The following ZNF608 variants were observed in gnomAD, a reference collection of about 807,000 sequenced individuals.
ZNF608 encodes the protein zinc finger protein 608, also known as renal carcinoma antigen NY-REN-36.
A neutral mutation model predicts 109.0 loss-of-function variants in ZNF608; 12 were observed. That is an observed-to-expected ratio of 0.11 (90% CI 0.07 to 0.18). ZNF608 has a LOEUF of 0.18. Ranked by LOEUF, ZNF608 falls within the 10% of genes least tolerant of loss-of-function variation. ZNF608 has a pLI of 1.00. For missense variants in ZNF608, 1,707 were observed against 1,879.3 expected (o/e 0.91, Z 1.70); for synonymous variants, 732 against 717.4 (o/e 1.02, Z -0.33).
chr5:124,671,432 A>C (rs1188527845), intron 3 of ZNF608, among the ~76,000 whole-genome samples: 1 of 152,156 alleles, frequency 6.6e-6, no homozygotes, highest in African/African-American at 2.4e-5. Flanking sequence ...ATCCCATTCC[A>C]CATTAAGTTT....
chr5:124,731,570 A>G (rs1272560327), intron 2 of ZNF608, among the ~76,000 whole-genome samples: 2 of 152,024 alleles, frequency 1.3e-5, no homozygotes, highest in Non-Finnish European at 1.5e-5. Flanking sequence ...TCATGCCTAT[A>G]ATCTCAGCAT....
intron 3 of ZNF608, among the ~76,000 whole-genome samples, chr5:124,690,948 C>A (rs4382167): frequency 1.8e-3 from 248 of 139,446 alleles, no homozygotes; most frequent in Middle Eastern, 6.9e-3. Flanking sequence ...CACACACACA[C>A]ACACACATAA....
At chr5:124,730,794 C>A (rs1189354387) in intron 2 of ZNF608, among the ~76,000 whole-genome samples, 1 of 152,140 alleles carries the variant, frequency 6.6e-6, no homozygotes, top group Non-Finnish European at 1.5e-5. Context: ...TTGTGAGGGG[C>A]CGAAAGCTCA....
intron 2 of ZNF608, chr5:124,710,151 C>G (rs1352859922): frequency 2.3e-6 from 1 of 438,666 alleles, no homozygotes; most frequent in Non-Finnish European, 4.5e-6. Flanking sequence ...AGGTTGAAAT[C>G]AGGGAAAGGT....
rs767727050 is a variant in ZNF608 at position 124,744,947 on chromosome 5, T to C, written c.43A>G (p.Asn15Asp). ...CCACTGTCATAAGTATCAACTGTAT[T>C]TGGATCCACACCTTTTCCTGCAGTA... Reference protein sequence around the residue: ...ISTAGKGVDPNTVDTYDSGDD... With the variant: ...ISTAGKGVDPDTVDTYDSGDD... The change falls in exon 2 of 10, where the codon AAT becomes GAT. Residue 15 changes from asparagine (N) to aspartate (D), a missense_variant. Physicochemically the swap from Asn to Asp is conservative, Grantham distance 23. Around this residue, in one of 7 missense-constraint regions of ZNF608, gnomAD observed 18 missense variants for 20.9 expected, o/e 0.86. Coordinates refer to ENST00000513986, the MANE Select transcript of ZNF608 (RefSeq NM_020747.3). This position sits in a 1 kb window ranked among gnomAD's most constrained non-coding sequence, Gnocchi z 4.5. 6.2e-7 allele frequency: 1 copy of C among 1,613,812 alleles called. No individual in the cohort carries two copies. The highest frequency in any genetic ancestry group is 8.5e-7 in the Non-Finnish European group (1 of 1,179,870).
At chr5:124,660,769 C>T (rs1340271613) in intron 3 of ZNF608, among the ~76,000 whole-genome samples, 1 of 152,210 alleles carries the variant, frequency 6.6e-6, no homozygotes, top group African/African-American at 2.4e-5. Context: ...AGAAGCCACT[C>T]AGCATATGTA....
At chr5:124,721,371 T>G (rs1303680298) in intron 2 of ZNF608, among the ~76,000 whole-genome samples, 4 of 152,162 alleles carry the variant, frequency 2.6e-5, no homozygotes, top group Non-Finnish European at 5.9e-5. Flanking sequence ...GAGCATTTCC[T>G]GTAAGAGGGC....
chr5:124,662,651 C>A (rs1335879134), intron 3 of ZNF608, among the ~76,000 whole-genome samples: 1 of 152,250 alleles, frequency 6.6e-6, no homozygotes, highest in Non-Finnish European at 1.5e-5. Flanking sequence ...ACCTGCAGGG[C>A]AGCCGACTTC....
intron 2 of ZNF608, among the ~76,000 whole-genome samples, chr5:124,727,029 C>T (rs1748641161): frequency 6.6e-6 from 1 of 152,226 alleles, no homozygotes; most frequent in Admixed American, 6.5e-5. Context: ...CAGGCCTCTA[C>T]CCTGTAACAG....
At chr5:124,733,285 T>C (rs1748992317) in intron 2 of ZNF608, among the ~76,000 whole-genome samples, 3 of 150,860 alleles carry the variant, frequency 2.0e-5, no homozygotes, top group South Asian at 2.1e-4. Flanking sequence ...GTTCTTCCAT[T>C]ATTTAGCTCT....
intron 3 of ZNF608, among the ~76,000 whole-genome samples, chr5:124,658,303 G>T (rs949822011): frequency 7.2e-5 from 11 of 152,158 alleles, no homozygotes; most frequent in Non-Finnish European, 1.3e-4. Flanking sequence ...GGATGCAAGG[G>T]ACAAAGGAGG....
chr5:124,655,391 A>G (rs547013067), intron 3 of ZNF608, among the ~76,000 whole-genome samples: 1 of 152,338 alleles, frequency 6.6e-6, no homozygotes, highest in Non-Finnish European at 1.5e-5. Flanking sequence ...GTCTTTGCCA[A>G]GCATCGCAAA....
At chr5:124,664,861 G>A (rs1357148394) in intron 3 of ZNF608, among the ~76,000 whole-genome samples, 2 of 152,162 alleles carry the variant, frequency 1.3e-5, no homozygotes, top group Non-Finnish European at 2.9e-5. Context: ...TGTGCTGCAG[G>A]TGGCAAGCAT....
chr5:124,639,753 T>C (rs950270893), intron 8 of ZNF608, among the ~76,000 whole-genome samples: 10 of 152,190 alleles, frequency 6.6e-5, no homozygotes, highest in African/African-American at 2.4e-4. Context: ...TAGCTCCAAA[T>C]GGCATGATGT....
chr5:124,668,157 A>C (rs932438044), intron 3 of ZNF608, among the ~76,000 whole-genome samples: 4 of 149,998 alleles, frequency 2.7e-5, no homozygotes, highest in Non-Finnish European at 4.4e-5. Flanking sequence ...GTTTGAGACC[A>C]GCCTGAGCAA....
rs199795710 is a variant in ZNF608, at chr5:124,644,364, G to T, written c.4003C>A (p.Pro1335Thr). ...ATGTATGACTGATGCTGACTCATGG[G>T]TGAGGAGACAGCCACTCTTGTTCCC... ...SRGTRVAVSSPMSQHQSYIQY... is the reference protein window; with the variant it reads ...SRGTRVAVSSTMSQHQSYIQY... Residue 1335 changes from proline (P) to threonine (T), a missense_variant, in exon 6 of 10, where the codon CCC becomes ACC. Pro to Thr is a conservative substitution (Grantham distance 38, BLOSUM62 -1). Coordinates refer to ENST00000513986, the MANE Select transcript of ZNF608 (RefSeq NM_020747.3). 3.1e-6 allele frequency: 5 copies of T among 1,614,140 alleles called. No homozygotes were observed. In the East Asian group the frequency reaches 8.9e-5, roughly 29 times the overall value.
intron 3 of ZNF608, among the ~76,000 whole-genome samples, chr5:124,696,070 G>C (rs537533680): frequency 6.6e-6 from 1 of 152,070 alleles, no homozygotes; most frequent in East Asian, 1.9e-4. Context: ...TGTAATCCCA[G>C]CTACTCAGGA....
chr5:124,694,007 GCTCTGTTGC>G (rs1752732032), intron 3 of ZNF608, among the ~76,000 whole-genome samples: 1 of 16,006 alleles, frequency 6.2e-5, no homozygotes, highest in African/African-American at 1.7e-4. Context: ...AGAGAGTCTC[GCTCTGTTGC>G]CCAGGCTAGA....
rs190164851 is a variant in ZNF608, at chr5:124,677,235, T to C, written c.1162+23779A>G. On this transcript the variant is annotated intron_variant, in intron 3 of 9. Coordinates refer to ENST00000513986, the MANE Select transcript of ZNF608 (RefSeq NM_020747.3). ...AATTTAACATCCTTTCTTGCATTTA[T>C]TCAATATTTTGGTGAACACAGCCTG... Among the ~76,000 whole-genome samples, 217 of 152,338 alleles carry C rather than the reference T, an allele frequency of 1.4e-3. 2 individuals are homozygous for C. Among genetic ancestry groups the C allele is most frequent in the Admixed American group, 0.013 (199 of 15,308 alleles).
Sources: allele counts gnomAD v4.1 joint callset (sites outside exome capture counted in the v4.1 genomes callset), GRCh38; gene constraint gnomAD v4.1.1; regional missense constraint gnomAD v4.1.1; non-coding constraint Gnocchi (gnomAD v3.1); transcripts MANE v1.5; gene names NCBI Gene and HGNC (gene_info 2026-07-23, HGNC 2026-07-21).